UBE3A: variants seen among roughly 807,000 people sequenced by gnomAD.
UBE3A encodes the protein ubiquitin-protein ligase E3A.
A neutral mutation model predicts 83.4 loss-of-function variants in UBE3A; 6 were observed. The ratio of observed to expected loss-of-function variants is 0.07; its 90% confidence interval spans 0.04 to 0.14. UBE3A has a LOEUF of 0.14. Ranked by LOEUF, UBE3A falls within the 10% of genes least tolerant of loss-of-function variation. UBE3A has a pLI of 1.00. For missense variants in UBE3A, 456 were observed against 1,036.1 expected (o/e 0.44, Z 7.69); for synonymous variants, 337 against 355.4 (o/e 0.95, Z 0.58).
intron 1 of UBE3A, among the ~76,000 whole-genome samples, chr15:25,417,394 T>C (rs1358263382): frequency 6.6e-6 from 1 of 151,908 alleles, no homozygotes; most frequent in African/African-American, 2.4e-5. Flanking sequence ...AACAAAATAT[T>C]ACAATGTCCA....
intron 7 of UBE3A, among the ~76,000 whole-genome samples, chr15:25,359,418 C>CATGT (rs376669714): frequency 7.2e-6 from 1 of 138,924 alleles, no homozygotes. Flanking sequence ...ATAAGGGATG[C>CATGT]GTGTGTGTGT....
At chr15:25,358,653 A>T (rs1179560596) in intron 7 of UBE3A, among the ~76,000 whole-genome samples, 2 of 152,196 alleles carry the variant, frequency 1.3e-5, no homozygotes, top group East Asian at 3.9e-4. Context: ...TGTTTATAAG[A>T]ATTTTAAAAT....
chr15:25,356,102 A>T (rs1246742088), intron 8 of UBE3A, 46 bp from the exon 9 acceptor site: 1 of 1,590,980 alleles, frequency 6.3e-7, no homozygotes, highest in South Asian at 1.1e-5. Flanking sequence ...GAACTACAAA[A>T]TACAACAAAT....
intron 2 of UBE3A, among the ~76,000 whole-genome samples, chr15:25,410,572 C>T (rs2089777476): frequency 6.6e-6 from 1 of 152,052 alleles, no homozygotes; most frequent in African/African-American, 2.4e-5. Context: ...AGGTGGTTAC[C>T]AGTGTGGATT....
intron 6 of UBE3A, among the ~76,000 whole-genome samples, chr15:25,360,844 C>T (rs977613051): frequency 2.0e-5 from 3 of 152,032 alleles, no homozygotes; most frequent in African/African-American, 7.3e-5. Flanking sequence ...CATGGAAAAG[C>T]AGCTAAATCA....
rs186831928 is a variant in UBE3A, at chr15:25,408,001, C to T, written c.20+1087G>A. On this transcript the variant is annotated intron_variant, in intron 3 of 12. Transcript: ENST00000648336. ...CTGTAATCTCAGCACTTTGGGAGGT[C>T]AAGACATAAGGACCACTTGAGCTCA... 327 of 152,400 alleles carry T rather than the reference C, an allele frequency of 2.1e-3. 1 individual carries two copies. Among genetic ancestry groups the T allele is most frequent in the Non-Finnish European group, 3.4e-3 (234 of 68,178 alleles). The allele number at this position is 152,400 out of a possible 1,614,324, so 9.4% of individuals were successfully genotyped here. A position where few individuals can be genotyped will look rare whatever the true frequency, so the allele number is the denominator to read the frequency against.
In UBE3A at chr15:25,430,087, G is replaced by T. The variant is rs1422834598; in HGVS notation, c.-165+8402C>A. 2.1e-4 allele frequency among the ~76,000 whole-genome samples: 16 copies of T among 76,634 alleles called. 1 individual carries two copies. Among genetic ancestry groups the T allele is most frequent in the African/African-American group, 1.1e-3 (13 of 11,522 alleles). The allele number at this position is 76,634 out of a possible 152,430, so 50.3% of individuals were successfully genotyped here. A position where few individuals can be genotyped will look rare whatever the true frequency, so the allele number is the denominator to read the frequency against. ...ATATATATATAATACATATATATAA[G>T]ATTATATATATATTATATATATAAT... is the stretch of plus-strand genomic sequence containing the variant. On this transcript the variant is annotated intron_variant, in intron 1 of 12. Transcript: ENST00000648336.
chr15:25,380,609 T>A (rs1471550307), intron 4 of UBE3A, among the ~76,000 whole-genome samples: 2 of 152,120 alleles, frequency 1.3e-5, no homozygotes, highest in Non-Finnish European at 2.9e-5. Flanking sequence ...AGGGAGAGGA[T>A]GCAAAAGAAA....
chr15:25,352,111 C>T (rs2076594908), intron 11 of UBE3A, among the ~76,000 whole-genome samples: 2 of 152,172 alleles, frequency 1.3e-5, no homozygotes, highest in Admixed American at 6.5e-5. Context: ...AGGAGAATCA[C>T]TTGAACCCAG....
chr15:25,390,855 G>A (rs1305626452), intron 4 of UBE3A, among the ~76,000 whole-genome samples: 1 of 151,782 alleles, frequency 6.6e-6, no homozygotes, highest in African/African-American at 2.4e-5. Context: ...CACTGGCTAT[G>A]AGAGAATCCA....
At position 25,334,223 on chromosome 15, in the gene UBE3A, A is replaced by G. The variant is rs1320774418; in HGVS notation, c.*4914T>C. On this transcript the variant is annotated 3_prime_UTR_variant, in exon 13 of 13. Transcript: ENST00000648336. ...AGTGACAAAAAAAGAATTTTAGAAA[A>G]GCTACAATATACAAAATCAATATAC... The G allele has an allele frequency of 2.0e-5, 3 of 152,184 alleles. No homozygotes were observed. Among genetic ancestry groups the G allele is most frequent in the Non-Finnish European group, 4.4e-5 (3 of 68,036 alleles). The allele number at this position is 152,184 out of a possible 1,614,324, so 9.4% of individuals were successfully genotyped here.
intron 4 of UBE3A, among the ~76,000 whole-genome samples, chr15:25,398,771 TTATATATA>T (rs1159969391): frequency 0.011 from 760 of 68,924 alleles, 30 homozygotes; most frequent in Middle Eastern, 0.017. Flanking sequence ...ATTCTTTTAT[TTATATATA>T]TATATATATA....
intron 1 of UBE3A, among the ~76,000 whole-genome samples, chr15:25,429,702 C>A (rs1892482064): frequency 6.6e-6 from 1 of 151,728 alleles, no homozygotes; most frequent in Non-Finnish European, 1.5e-5. Flanking sequence ...AACAAACAAA[C>A]ATTTTTTTAA....
At chr15:25,340,293 C>A in intron 11 of UBE3A, 65 bp from the exon 12 acceptor site, 2 of 1,538,720 alleles carry the variant, frequency 1.3e-6, no homozygotes, top group South Asian at 2.2e-5. Flanking sequence ...CTAACATAAG[C>A]TTATGATTTG....
rs915424875 is a variant in UBE3A at position 25,360,608 on chromosome 15, T to C, written c.1609-81A>G. 3 of 1,503,996 alleles carry C rather than the reference T, an allele frequency of 2.0e-6. 1 individual carries two copies. The Middle Eastern group carries it at 5.2e-4, about 259-fold the overall frequency. 93.2% of individuals were successfully genotyped at this position (1,503,996 alleles called of 1,614,324 possible). On this transcript the variant is annotated intron_variant, in intron 6 of 12. Coordinates refer to ENST00000648336, the MANE Select transcript of UBE3A (RefSeq NM_130839.5). ...AACAAAATAAAAACAAGGAGTAGGA[T>C]TAGGAAACAAATACAAATTTTTGAC...
At chr15:25,422,164 T>C (rs1336916641) in intron 1 of UBE3A, among the ~76,000 whole-genome samples, 1 of 152,034 alleles carries the variant, frequency 6.6e-6, no homozygotes, top group Non-Finnish European at 1.5e-5. Context: ...ACATGCCAAG[T>C]GAAAGAAACC....
At chr15:25,401,950 G>A (rs1011278160) in intron 4 of UBE3A, among the ~76,000 whole-genome samples, 1 of 151,978 alleles carries the variant, frequency 6.6e-6, no homozygotes, top group Non-Finnish European at 1.5e-5. Context: ...TCCTGATTTT[G>A]TTGAATTGTT....
chr15:25,376,076 A>G (rs1315580697), intron 4 of UBE3A, among the ~76,000 whole-genome samples: 1 of 152,208 alleles, frequency 6.6e-6, no homozygotes, highest in African/African-American at 2.4e-5. Context: ...TGTTTAGTAC[A>G]ACAGCTGAAA....
At chr15:25,405,182 C>T (rs1792245408) in intron 4 of UBE3A, among the ~76,000 whole-genome samples, 1 of 152,088 alleles carries the variant, frequency 6.6e-6, no homozygotes, top group South Asian at 2.1e-4. Context: ...CAACTCTTTC[C>T]TCAACCTCCC....
Sources: allele counts gnomAD v4.1 joint callset (sites outside exome capture counted in the v4.1 genomes callset), GRCh38; gene constraint gnomAD v4.1.1; transcripts MANE v1.5; gene names NCBI Gene and HGNC (gene_info 2026-07-23, HGNC 2026-07-21).